Variants in CTNND1 observed in about 807,000 individuals in gnomAD.
The protein encoded by CTNND1 is catenin delta-1.
CTNND1 carries 16 observed loss-of-function variants against 112.1 expected under a neutral mutation model. That is an observed-to-expected ratio of 0.14 (90% CI 0.10 to 0.22). The LOEUF (loss-of-function observed/expected upper bound fraction) is 0.22, where lower values mean the gene tolerates loss of function less well. Among genes scored for constraint, CTNND1 ranks in the 10% least tolerant of loss-of-function variants. CTNND1 has a pLI of 1.00. For synonymous variants in CTNND1, 420 were observed against 446.5 expected, an observed-to-expected ratio of 0.94 and a Z score of 0.75; for missense variants, 1,008 against 1,257.0, an observed-to-expected ratio of 0.80 and a Z score of 3.00.
intron 1 of CTNND1, among the ~76,000 whole-genome samples, chr11:57,774,593 T>C (rs1048001692): frequency 2.0e-5 from 3 of 152,190 alleles, no homozygotes; most frequent in Non-Finnish European, 4.4e-5. Flanking sequence ...GCCCAAATAA[T>C]GTATTTTATA....
chr11:57,768,388 T>C (rs1951649742), intron 1 of CTNND1, among the ~76,000 whole-genome samples: 3 of 1,714 alleles, frequency 1.8e-3, no homozygotes, highest in Non-Finnish European at 0.083. Context: ...ACATCATCCT[T>C]TTTTTTTTTT....
chr11:57,815,608 T>C (rs1386629350), intron 19 of CTNND1, 108 bp downstream of exon 19: 20 of 1,002,420 alleles, frequency 2.0e-5, no homozygotes, highest in Non-Finnish European at 3.0e-5. Context: ...CATCCTTTTC[T>C]GGTAGGGGTT....
chr11:57,806,362 C>G lies in CTNND1; in HGVS notation c.1877-99C>G. 8.9e-6 allele frequency: 10 copies of G among 1,129,812 alleles called. No homozygotes were observed. In the South Asian group the frequency reaches 1.4e-4, roughly 15 times the overall value. The allele number at this position is 1,129,812 out of a possible 1,614,324, so 70.0% of individuals were successfully genotyped here. On this transcript the variant is annotated intron_variant, in intron 10 of 20. Transcript: ENST00000399050. Reference sequence around the variant, plus strand: ...TGTTTTTCTTTTCTTCTCTGTGCTTCCCTGCTTATTTGCCCATGATTCTGC... The same window carrying G: ...TGTTTTTCTTTTCTTCTCTGTGCTTGCCTGCTTATTTGCCCATGATTCTGC...
intron 1 of CTNND1, among the ~76,000 whole-genome samples, chr11:57,787,411 G>A (rs531896138): frequency 1.3e-5 from 2 of 152,254 alleles, no homozygotes; most frequent in East Asian, 1.9e-4. Flanking sequence ...GAGACATTAC[G>A]GTGAAGTAAT....
chr11:57,765,437 C>T (rs1950811571), intron 1 of CTNND1, among the ~76,000 whole-genome samples: 1 of 150,812 alleles, frequency 6.6e-6, no homozygotes, highest in African/African-American at 2.4e-5. Context: ...GTAGTTTTAA[C>T]CTTTTATGCG....
chr11:57,783,780 T>G (rs965376820), intron 1 of CTNND1, among the ~76,000 whole-genome samples: 7 of 152,218 alleles, frequency 4.6e-5, no homozygotes, highest in Non-Finnish European at 1.0e-4. Context: ...CAGGTGCCAG[T>G]TAAGGCAAAT....
intron 1 of CTNND1, among the ~76,000 whole-genome samples, chr11:57,780,933 TTTTCTTTC>T (rs779565280): frequency 2.0e-5 from 3 of 152,128 alleles, no homozygotes; most frequent in African/African-American, 7.2e-5. Context: ...GAAGCTGCTA[TTTTCTTTC>T]TTTCTTTCTT....
chr11:57,806,666 C>G, intron 11 of CTNND1, 188 bp downstream of exon 11: 2 of 646,130 alleles, frequency 3.1e-6, no homozygotes, highest in Middle Eastern at 2.6e-4. Flanking sequence ...GGGCAGCAGT[C>G]CCCATTATCA....
rs754649963 is a variant in CTNND1 at position 57,770,628 on chromosome 11, G to A, written c.-214+8509G>A. Among the ~76,000 whole-genome samples, 23 of 151,498 alleles carry A rather than the reference G, an allele frequency of 1.5e-4. 1 individual carries two copies. Among genetic ancestry groups the A allele is most frequent in the Non-Finnish European group, 2.8e-4 (19 of 67,926 alleles). ...AAATCGCGCCACTGCACTCTAGCCT[G>A]GCGAGAGAGTGAGACTCCATCTCAA... On this transcript the variant is annotated intron_variant, in intron 1 of 20. Transcript: ENST00000399050.
At chr11:57,809,947 G>A (rs1437013596) in intron 15 of CTNND1, among the ~76,000 whole-genome samples, 162 bp from the exon 16 acceptor site, 2 of 152,158 alleles carry the variant, frequency 1.3e-5, no homozygotes, top group South Asian at 2.1e-4. Flanking sequence ...CTGACCTCAG[G>A]TGATCCACCT....
intron 14 of CTNND1, 125 bp from the exon 15 acceptor site, chr11:57,809,149 G>C: frequency 1.5e-6 from 1 of 665,392 alleles, no homozygotes; most frequent in Non-Finnish European, 2.6e-6. Flanking sequence ...TAATCCTATA[G>C]GATAATGAAG....
At chr11:57,795,002 C>T (rs963274663) in intron 4 of CTNND1, among the ~76,000 whole-genome samples, 24 of 152,030 alleles carry the variant, frequency 1.6e-4, no homozygotes, top group African/African-American at 5.3e-4. Flanking sequence ...AGTTCAAGAC[C>T]AGCCTGGGCA....
At chr11:57,779,407 C>G (rs2059341143) in intron 1 of CTNND1, among the ~76,000 whole-genome samples, 1 of 152,088 alleles carries the variant, frequency 6.6e-6, no homozygotes, top group South Asian at 2.1e-4. Flanking sequence ...TTGTGTTTTC[C>G]CTGCCTTCCA....
chr11:57,763,706 T>A (rs1950377550), intron 1 of CTNND1: 1 of 152,252 alleles, frequency 6.6e-6, no homozygotes, highest in Non-Finnish European at 1.5e-5. Context: ...CTGCCTTGAC[T>A]CCAGCCTGGG....
chr11:57,768,318 T>C (rs1310188055), intron 1 of CTNND1, among the ~76,000 whole-genome samples: 1 of 150,176 alleles, frequency 6.7e-6, no homozygotes, highest in Non-Finnish European at 1.5e-5. Flanking sequence ...AATGGATAAC[T>C]TTAGTAAAGT....
rs532778786 is a variant in CTNND1 at position 57,763,309 on chromosome 11, C to G, written c.-214+1190C>G. 4.5e-4 allele frequency among the ~76,000 whole-genome samples: 68 copies of G among 152,198 alleles called. 1 individual carries two copies. Among genetic ancestry groups the G allele is most frequent in the Admixed American group, 2.2e-3 (33 of 15,270 alleles). ...TGAATCCGCCTGAAAATTATAGATG[C>G]TGTCCTAATTGTAACAAGATGGGCT... On this transcript the variant is annotated intron_variant, in intron 1 of 20. Transcript: ENST00000399050.
At chr11:57,808,365 C>T (rs1485024840) in intron 13 of CTNND1, 25 bp from the exon 14 acceptor site, 1 of 1,598,282 alleles carries the variant, frequency 6.3e-7, no homozygotes, top group African/African-American at 1.3e-5. Context: ...TAATTTGTTC[C>T]ACCCCTTTCT....
At chr11:57,798,074 C>T (rs540558407) in intron 6 of CTNND1, among the ~76,000 whole-genome samples, 7 of 152,084 alleles carry the variant, frequency 4.6e-5, no homozygotes, top group African/African-American at 1.7e-4. Flanking sequence ...GTCCATTGGG[C>T]ACGGTGTCTC....
chr11:57,784,121 A>G (rs1400324092), intron 1 of CTNND1, among the ~76,000 whole-genome samples: 1 of 151,682 alleles, frequency 6.6e-6, no homozygotes, highest in Non-Finnish European at 1.5e-5. Flanking sequence ...GGGTTTTGCC[A>G]TGTTGCCCAG....
Sources: allele counts gnomAD v4.1 joint callset (sites outside exome capture counted in the v4.1 genomes callset), GRCh38; gene constraint gnomAD v4.1.1; transcripts MANE v1.5; gene names NCBI Gene and HGNC (gene_info 2026-07-23, HGNC 2026-07-21).